Variants in PTPRA observed in about 807,000 individuals in gnomAD.
The protein encoded by PTPRA is protein tyrosine phosphatase receptor type A, also known as receptor-type tyrosine-protein phosphatase alpha.
PTPRA carries 25 observed loss-of-function variants against 104.8 expected under a neutral mutation model. That is an observed-to-expected ratio of 0.24 (90% CI 0.17 to 0.33). PTPRA has a LOEUF of 0.33. Among genes scored for constraint, PTPRA ranks in the 10% least tolerant of loss-of-function variants. The probability of loss-of-function intolerance (pLI) is 1.00; values close to 1 mark genes in which losing one functional copy is unlikely to be tolerated. For missense variants in PTPRA, 765 were observed against 1,015.3 expected (o/e 0.75, Z 3.35); for synonymous variants, 323 against 368.9 (o/e 0.88, Z 1.43).
intron 9 of PTPRA, among the ~76,000 whole-genome samples, chr20:2,999,132 T>G (rs922195585): frequency 6.6e-6 from 1 of 152,088 alleles, no homozygotes; most frequent in African/African-American, 2.4e-5. Flanking sequence ...CCAATTACAA[T>G]AGCATCCAAA....
At chr20:2,996,412 A>G (rs909050538) in intron 9 of PTPRA, among the ~76,000 whole-genome samples, 2 of 152,228 alleles carry the variant, frequency 1.3e-5, no homozygotes, top group Non-Finnish European at 2.9e-5. Flanking sequence ...AAACAAACCA[A>G]TTTGTGTCTA....
intron 10 of PTPRA, among the ~76,000 whole-genome samples, chr20:3,006,066 C>T (rs2063855194): frequency 6.6e-6 from 1 of 151,928 alleles, no homozygotes; most frequent in South Asian, 2.1e-4. Context: ...GCTGTGTTGC[C>T]TTGGCTGATC....
chr20:2,991,262 G>A (rs2063161685), intron 9 of PTPRA, among the ~76,000 whole-genome samples: 1 of 152,100 alleles, frequency 6.6e-6, no homozygotes, highest in African/African-American at 2.4e-5. Context: ...GGAAGTCTGA[G>A]GCTGAGGCAG....
At chr20:2,983,028 G>A (rs2062754266) in intron 6 of PTPRA, among the ~76,000 whole-genome samples, 4 of 152,132 alleles carry the variant, frequency 2.6e-5, no homozygotes, top group African/African-American at 9.7e-5. Context: ...CACACTGTGT[G>A]CTAGTTACTG....
chr20:2,941,465 A>G (rs1430685627), intron 2 of PTPRA, among the ~76,000 whole-genome samples: 1 of 152,138 alleles, frequency 6.6e-6, no homozygotes, highest in Non-Finnish European at 1.5e-5. Flanking sequence ...TACTTCCTGA[A>G]TATCTCCTTC....
intron 1 of PTPRA, among the ~76,000 whole-genome samples, chr20:2,905,960 ACAGGTGTGAGCCACCACACC>A (rs2059415984): frequency 6.6e-6 from 1 of 152,124 alleles, no homozygotes; most frequent in Admixed American, 6.6e-5. Context: ...TGCTGGTATT[ACAGGTGTGAGCCACCACACC>A]TGACCTCGTA....
At chr20:2,987,694 TTTGATATATA>T (rs1335912223) in intron 7 of PTPRA, among the ~76,000 whole-genome samples, 1 of 152,142 alleles carries the variant, frequency 6.6e-6, no homozygotes, top group Non-Finnish European at 1.5e-5. Flanking sequence ...AAGATTTTTG[TTTGATATATA>T]TTGTCTGTCT....
intron 3 of PTPRA, among the ~76,000 whole-genome samples, chr20:2,958,166 A>C (rs2061605197): frequency 6.6e-6 from 1 of 152,172 alleles, no homozygotes; most frequent in African/African-American, 2.4e-5. Context: ...CAAGAGACTG[A>C]AGGCCTGGGT....
At chr20:2,923,137 A>T in intron 1 of PTPRA, 70 bp from the exon 2 acceptor site, 1 of 646,098 alleles carries the variant, frequency 1.5e-6, no homozygotes, top group Non-Finnish European at 2.1e-6. Context: ...GCTGGGCTTG[A>T]ATTCCTAAGC....
At chr20:2,976,673 A>G (rs1006127973) in intron 6 of PTPRA, among the ~76,000 whole-genome samples, 2 of 152,318 alleles carry the variant, frequency 1.3e-5, no homozygotes, top group African/African-American at 4.8e-5. Flanking sequence ...TCTAATGGCA[A>G]TTTTACCAGA....
chr20:3,019,262 C>A (rs1391750099), intron 13 of PTPRA, among the ~76,000 whole-genome samples: 3 of 149,988 alleles, frequency 2.0e-5, no homozygotes, highest in Non-Finnish European at 3.0e-5. Context: ...CTGACCCCCC[C>A]ACCTCCCTCC....
At chr20:2,942,818 CT>C (rs1270826920) in intron 2 of PTPRA, among the ~76,000 whole-genome samples, 1 of 151,546 alleles carries the variant, frequency 6.6e-6, no homozygotes, top group Non-Finnish European at 1.5e-5. Context: ...ACAGTAGTAC[CT>C]TCTTATCTGG....
Position 3,022,346 on chromosome 20 carries a change from C to G in PTPRA, c.1328+126C>G, listed in dbSNP as rs925578141. 1.6e-6 allele frequency: 2 copies of G among 1,234,602 alleles called. No individual in the cohort carries two copies. Among genetic ancestry groups the G allele is most frequent in the African/African-American group, 3.1e-5 (2 of 65,464 alleles). The allele number at this position is 1,234,602 out of a possible 1,614,324, so 76.5% of individuals were successfully genotyped here. On this transcript the variant is annotated intron_variant, in intron 15 of 23. Coordinates refer to ENST00000399903, the MANE Select transcript of PTPRA (RefSeq NM_001385305.1). The surrounding 1 kb of genome is among the most constrained non-coding windows in gnomAD (Gnocchi z 4.6). ...AGTAGATGACCTACTGGGGCACCAG[C>G]GCAACAGCCAGAGACTCCAAGTTCT...
intron 3 of PTPRA, among the ~76,000 whole-genome samples, chr20:2,948,333 AACTTTTGGGGTTTTAGCC>A (rs2061215835): frequency 6.6e-6 from 1 of 152,128 alleles, no homozygotes; most frequent in Admixed American, 6.5e-5. Flanking sequence ...AAATATTCTC[AACTTTTGGGGTTTTAGCC>A]ACTTAAGTTT....
chr20:2,935,318 G>A (rs6138954), intron 2 of PTPRA, among the ~76,000 whole-genome samples: 1 of 152,060 alleles, frequency 6.6e-6, no homozygotes, highest in Admixed American at 6.5e-5. Context: ...ACAAATGACA[G>A]AATTTATTCT....
chr20:2,995,127 C>A (rs952367962), intron 9 of PTPRA, among the ~76,000 whole-genome samples: 2 of 152,084 alleles, frequency 1.3e-5, no homozygotes, highest in Non-Finnish European at 2.9e-5. Flanking sequence ...AAGACTCCAT[C>A]TCAAAAAAGA....
intron 5 of PTPRA, among the ~76,000 whole-genome samples, chr20:2,970,282 A>G (rs1038138693): frequency 6.6e-6 from 1 of 152,196 alleles, no homozygotes; most frequent in Non-Finnish European, 1.5e-5. Flanking sequence ...TGCATTTATA[A>G]ATTTATGGAT....
intron 11 of PTPRA, among the ~76,000 whole-genome samples, chr20:3,011,636 A>G (rs1361816982): frequency 6.6e-6 from 1 of 152,252 alleles, no homozygotes; most frequent in Non-Finnish European, 1.5e-5. Flanking sequence ...GTTATAAGGT[A>G]TAAGATGGGA....
intron 1 of PTPRA, among the ~76,000 whole-genome samples, chr20:2,882,034 C>T (rs1005135447): frequency 2.6e-5 from 4 of 152,022 alleles, no homozygotes; most frequent in Non-Finnish European, 5.9e-5. Context: ...AAACACATAC[C>T]CTTGGCAGAT....
Sources: gnomAD v4.1 joint callset for allele counts (sites outside exome capture counted in the v4.1 genomes callset) on GRCh38, gnomAD v4.1.1 for gene constraint, Gnocchi (gnomAD v3.1) non-coding constraint, MANE v1.5 for transcripts, NCBI Gene and HGNC (gene_info 2026-07-23, HGNC 2026-07-21) for gene names.